RETREG1: variants seen among roughly 807,000 people sequenced by gnomAD.
RETREG1 encodes the protein reticulophagy regulator 1.
Under a neutral mutation model 54.8 loss-of-function variants are expected in RETREG1, and 44 were observed. The ratio of observed to expected loss-of-function variants is 0.80; its 90% confidence interval spans 0.63 to 1.03. The LOEUF is 1.03. Among genes scored for constraint, RETREG1 ranks in the 50% least tolerant of loss-of-function variants. The probability of loss-of-function intolerance (pLI) is 0.00; values close to 1 mark genes in which losing one functional copy is unlikely to be tolerated. For missense variants in RETREG1, 554 were observed against 605.1 expected, an observed-to-expected ratio of 0.92 and a Z score of 0.89; for synonymous variants, 217 against 238.5, an observed-to-expected ratio of 0.91 and a Z score of 0.83.
intron 3 of RETREG1, among the ~76,000 whole-genome samples, chr5:16,535,608 T>TGC (rs1212634425): frequency 8.0e-5 from 12 of 149,560 alleles, no homozygotes; most frequent in African/African-American, 2.5e-4. Flanking sequence ...GGTTCCTGTG[T>TGC]ACACGCTGCC....
chr5:16,590,159 G>A (rs1742724402), intron 1 of RETREG1, among the ~76,000 whole-genome samples: 1 of 152,140 alleles, frequency 6.6e-6, no homozygotes, highest in African/African-American at 2.4e-5. Flanking sequence ...CAATTCTTCA[G>A]GTTCCCCCAA....
At chr5:16,483,783 T>C (rs527349178) in intron 3 of RETREG1, among the ~76,000 whole-genome samples, 5 of 152,162 alleles carry the variant, frequency 3.3e-5, no homozygotes, top group Admixed American at 1.3e-4. Context: ...AGGTTAATCA[T>C]AGGGTTCCAG....
rs148096961 is a variant in RETREG1, at chr5:16,603,466, G to A, written c.320+13186C>T. ...TGGAGTCTAGGCTGGGGACAACCTC[G>A]CTGAAGAGGTGACAGGAAAGACTAA... On this transcript the variant is annotated intron_variant, in intron 1 of 8. Coordinates refer to ENST00000306320, the MANE Select transcript of RETREG1 (RefSeq NM_001034850.3). Among the ~76,000 whole-genome samples the A allele has an allele frequency of 4.4e-3, 676 of 152,272 alleles. 8 individuals are homozygous for A. Among genetic ancestry groups the A allele is most frequent in the African/African-American group, 0.015 (627 of 41,550 alleles).
chr5:16,480,228 T>C (rs538258388), intron 5 of RETREG1, among the ~76,000 whole-genome samples: 3 of 152,090 alleles, frequency 2.0e-5, no homozygotes, highest in African/African-American at 4.8e-5. Flanking sequence ...TGGAATAATA[T>C]ATAAATGGAA....
chr5:16,613,328 A>G (rs1743402160), intron 1 of RETREG1, among the ~76,000 whole-genome samples: 2 of 152,202 alleles, frequency 1.3e-5, no homozygotes, highest in Admixed American at 1.3e-4. Flanking sequence ...AATGCTCTTG[A>G]TCATCTACTA....
chr5:16,529,718 A>G (rs1740852383), intron 3 of RETREG1, among the ~76,000 whole-genome samples: 1 of 151,924 alleles, frequency 6.6e-6, no homozygotes, highest in African/African-American at 2.4e-5. Context: ...TGGTTTGGTT[A>G]ATTTTTTTAC....
At chr5:16,529,859 C>T (rs1740857705) in intron 3 of RETREG1, among the ~76,000 whole-genome samples, 1 of 152,190 alleles carries the variant, frequency 6.6e-6, no homozygotes, top group South Asian at 2.1e-4. Context: ...TGGGTTCATC[C>T]TGCACAGTGG....
rs1203231242 is a variant in RETREG1, at chr5:16,595,953, AG to A, written c.320+20698del. Among the ~76,000 whole-genome samples the A allele has an allele frequency of 2.0e-5, 3 of 152,338 alleles. No individual in the cohort carries two copies. The East Asian group carries it at 5.8e-4, about 29-fold the overall frequency. On this transcript the variant is annotated intron_variant, in intron 1 of 8. Transcript: ENST00000306320. Reference sequence around the variant, plus strand: ...AAATATAATTAGTGATTCTCACACTAGGGAACATTATTATTTTGCCTTCCTA... The same window carrying A: ...AAATATAATTAGTGATTCTCACACTAGGAACATTATTATTTTGCCTTCCTA...
intron 2 of RETREG1, among the ~76,000 whole-genome samples, chr5:16,570,981 T>C (rs1182997314): frequency 1.3e-5 from 2 of 152,212 alleles, no homozygotes; most frequent in Non-Finnish European, 2.9e-5. Flanking sequence ...CCTGGAATCT[T>C]GGGAAGGAAA....
At chr5:16,506,176 G>T (rs1739946985) in intron 3 of RETREG1, among the ~76,000 whole-genome samples, 1 of 152,208 alleles carries the variant, frequency 6.6e-6, no homozygotes, top group African/African-American at 2.4e-5. Context: ...AAGCTGCGGA[G>T]CATTTGGCTT....
intron 3 of RETREG1, among the ~76,000 whole-genome samples, chr5:16,530,523 A>G (rs1008468402): frequency 4.6e-5 from 7 of 152,206 alleles, no homozygotes; most frequent in African/African-American, 1.7e-4. Context: ...TCATATGCAA[A>G]ACACTGAGAC....
At chr5:16,476,183 C>T (rs1579576885) in intron 8 of RETREG1, among the ~76,000 whole-genome samples, 1 of 152,122 alleles carries the variant, frequency 6.6e-6, no homozygotes, top group African/African-American at 2.4e-5. Flanking sequence ...CGTTCAAGGT[C>T]ATAAAGTTAG....
rs33684 is a variant in RETREG1 at position 16,508,789 on chromosome 5, T to C, written c.459-25317A>G. 0.66 allele frequency: 968,581 copies of C among 1,465,210 alleles called. 324,608 individuals are homozygous for C. Among genetic ancestry groups the C allele is most frequent in the Non-Finnish European group, 0.69 (766,846 of 1,108,884 alleles). 90.8% of individuals were successfully genotyped at this position (1,465,210 alleles called of 1,614,324 possible). ...AGTGCTCCTCCCTTACTCAGAAAGT[T>C]GGTGTTTACAAACTTCCAAAGCGCC... On this transcript the variant is annotated intron_variant, in intron 3 of 8. Transcript: ENST00000306320.
At chr5:16,527,109 C>T (rs1278805997) in intron 3 of RETREG1, among the ~76,000 whole-genome samples, 1 of 152,214 alleles carries the variant, frequency 6.6e-6, no homozygotes. Context: ...CTTCCCCCGC[C>T]AGGTGATGAT....
intron 3 of RETREG1, among the ~76,000 whole-genome samples, chr5:16,511,975 A>T (rs1298550036): frequency 6.6e-6 from 1 of 152,158 alleles, no homozygotes; most frequent in Non-Finnish European, 1.5e-5. Context: ...GGGGACACAG[A>T]TCCAAACCCT....
intron 3 of RETREG1, among the ~76,000 whole-genome samples, chr5:16,510,160 AAAT>A (rs1291452907): frequency 1.3e-5 from 2 of 152,234 alleles, no homozygotes; most frequent in Non-Finnish European, 2.9e-5. Context: ...ATGTCAAAAC[AAAT>A]AATATCTGCT....
chr5:16,516,265 C>T (rs1290274990), intron 3 of RETREG1, among the ~76,000 whole-genome samples: 1 of 152,178 alleles, frequency 6.6e-6, no homozygotes, highest in East Asian at 1.9e-4. Context: ...AGAGATAGCT[C>T]AAGTCAGCTT....
chr5:16,485,330 A>G (rs748936180), intron 3 of RETREG1, among the ~76,000 whole-genome samples: 2 of 152,172 alleles, frequency 1.3e-5, no homozygotes, highest in Admixed American at 6.5e-5. Context: ...ATGAAAAGCT[A>G]TAATGGAAGG....
intron 3 of RETREG1, among the ~76,000 whole-genome samples, chr5:16,558,962 T>G (rs906644141): frequency 6.6e-6 from 1 of 152,362 alleles, no homozygotes; most frequent in Non-Finnish European, 1.5e-5. Context: ...GATGACTTTC[T>G]ACTTTTAAGA....
Sources: gnomAD v4.1 joint callset for allele counts (sites outside exome capture counted in the v4.1 genomes callset) on GRCh38, gnomAD v4.1.1 for gene constraint, MANE v1.5 for transcripts, NCBI Gene and HGNC (gene_info 2026-07-23, HGNC 2026-07-21) for gene names.